Variants in LAMA2 observed in about 807,000 individuals in gnomAD.
The protein encoded by LAMA2 is laminin subunit alpha-2.
In LAMA2, 269 loss-of-function variants were observed where a neutral mutation model predicts 364.8. The ratio of observed to expected loss-of-function variants is 0.74; its 90% CI spans 0.67 to 0.82. LAMA2 has a LOEUF of 0.82. Ranked by LOEUF, LAMA2 falls within the 40% of genes least tolerant of loss-of-function variation. The probability of loss-of-function intolerance (pLI) is 0.00; values close to 1 mark genes in which losing one functional copy is unlikely to be tolerated. For missense variants in LAMA2, 3,807 were observed against 3,873.2 expected, an observed-to-expected ratio of 0.98 and a Z score of 0.45; for synonymous variants, 1,379 against 1,370.6, an observed-to-expected ratio of 1.01 and a Z score of -0.14.
chr6:129,492,966 C>T (rs1224555774), intron 58 of LAMA2, among the ~76,000 whole-genome samples: 4 of 152,238 alleles, frequency 2.6e-5, no homozygotes, highest in African/African-American at 9.6e-5. Context: ...CCAGCCTGGG[C>T]AACCACGGTG....
intron 51 of LAMA2, among the ~76,000 whole-genome samples, chr6:129,468,196 A>G (rs1355236557): frequency 1.3e-5 from 2 of 151,712 alleles, no homozygotes; most frequent in Non-Finnish European, 2.9e-5. Flanking sequence ...TCTCTATTGT[A>G]TCTCTATGGT....
chr6:128,920,559 A>C (rs184813434), intron 1 of LAMA2, among the ~76,000 whole-genome samples: 1 of 151,962 alleles, frequency 6.6e-6, no homozygotes, highest in Non-Finnish European at 1.5e-5. Flanking sequence ...TCTTCCCCTA[A>C]TCAAACCCTT....
chr6:129,110,109 C>CAAAA (rs3061201), intron 4 of LAMA2, among the ~76,000 whole-genome samples: 2 of 142,772 alleles, frequency 1.4e-5, no homozygotes, highest in Non-Finnish European at 1.6e-5. Flanking sequence ...CACCTTATTG[C>CAAAA]AAAAAAAAAA....
chr6:128,951,005 T>C (rs1780780837), intron 1 of LAMA2, among the ~76,000 whole-genome samples: 1 of 152,124 alleles, frequency 6.6e-6, no homozygotes, highest in Non-Finnish European at 1.5e-5. Flanking sequence ...CTTTTTCACA[T>C]TTTTGGGTAT....
At chr6:128,928,331 A>T (rs1329435120) in intron 1 of LAMA2, among the ~76,000 whole-genome samples, 8 of 152,236 alleles carry the variant, frequency 5.3e-5, no homozygotes. Flanking sequence ...CTGGCAGAGT[A>T]AGGGTATGCT....
chr6:129,238,694 T>C (rs1263985574), intron 12 of LAMA2, among the ~76,000 whole-genome samples: 1 of 152,112 alleles, frequency 6.6e-6, no homozygotes, highest in Non-Finnish European at 1.5e-5. Context: ...AAAGTAACAG[T>C]GTGAACTTGA....
Position 129,192,828 on chromosome 6 carries a change from C to T in LAMA2, c.1757C>T (p.Ala586Val), listed in dbSNP as rs373005444. ...CTGCCGCACAGCTACTACTGGAGCG[C>T]GCCGGCTCCCTATCTGGGAAACAAA... ...QALPHSYYWS[A>V]PAPYLGNKLP... is the part of the protein sequence containing the mutation. Residue 586 changes from alanine (A) to valine (V), a missense_variant, in exon 12 of 65, where the codon GCG becomes GTG. By Grantham distance (64) the Ala-to-Val change is moderately conservative (BLOSUM62 0). This residue lies in a region of LAMA2 where 3,333 missense variants were observed against 3,345.7 expected (regional missense o/e 1.00). Transcript: ENST00000421865. 53 of 1,613,904 alleles carry T rather than the reference C, an allele frequency of 3.3e-5. No individual in the cohort carries two copies. In the Middle Eastern group the frequency reaches 4.9e-4, roughly 15 times the overall value.
At chr6:129,460,142 A>C (rs1261001939) in intron 48 of LAMA2, 58 bp from the exon 49 acceptor site, 1 of 1,560,640 alleles carries the variant, frequency 6.4e-7, no homozygotes, top group African/African-American at 1.4e-5. Context: ...CTCATGGATA[A>C]ACCAAGATTA....
rs1779286693 is a variant in LAMA2, at chr6:128,929,185, T to TA, written c.112+45829dup. ...GGTAGATAAAATGAATGGGGATAGT[T>TA]ACAGAGGCAAGAGCTCCCACCCAGC... On this transcript the variant is annotated intron_variant, in intron 1 of 64. Transcript: ENST00000421865. 5 of 1,486,574 alleles carry TA rather than the reference T, an allele frequency of 3.4e-6. No individual in the cohort carries two copies. In the Admixed American group the frequency reaches 5.0e-5, roughly 15 times the overall value. 92.1% of individuals were successfully genotyped at this position (1,486,574 alleles called of 1,614,324 possible).
At chr6:129,328,234 G>A (rs780329052) in intron 28 of LAMA2, 44 bp from the exon 29 acceptor site, 1 of 1,543,970 alleles carries the variant, frequency 6.5e-7, no homozygotes, top group South Asian at 1.1e-5. Flanking sequence ...TGCTAATGCA[G>A]TATTTCTAAC....
intron 37 of LAMA2, among the ~76,000 whole-genome samples, chr6:129,397,182 A>G (rs549302707): frequency 6.6e-6 from 1 of 152,250 alleles, no homozygotes; most frequent in South Asian, 2.1e-4. Flanking sequence ...TAGAAATATA[A>G]TCAACCTTCA....
chr6:129,191,271 C>A (rs887672915), intron 11 of LAMA2, among the ~76,000 whole-genome samples: 2 of 152,220 alleles, frequency 1.3e-5, no homozygotes, highest in Non-Finnish European at 2.9e-5. Context: ...TTCCTTTCAA[C>A]TTTAATCAGT....
intron 1 of LAMA2, among the ~76,000 whole-genome samples, chr6:128,906,663 G>T (rs1010057812): frequency 2.6e-5 from 4 of 152,050 alleles, no homozygotes; most frequent in African/African-American, 4.8e-5. Flanking sequence ...GTCCATTTTG[G>T]CTTTTGTTGC....
intron 3 of LAMA2, among the ~76,000 whole-genome samples, chr6:129,087,209 C>A (rs1286817607): frequency 6.6e-6 from 1 of 152,100 alleles, no homozygotes; most frequent in African/African-American, 2.4e-5. Context: ...CCATAACTAG[C>A]CTATCTCATT....
At chr6:129,284,296 A>C (rs768370204) in intron 18 of LAMA2, among the ~76,000 whole-genome samples, 3 of 151,840 alleles carry the variant, frequency 2.0e-5, no homozygotes, top group Non-Finnish European at 4.4e-5. Flanking sequence ...TCCGAGACTA[A>C]CTAATCCCTG....
At chr6:128,967,731 A>G (rs890897960) in intron 1 of LAMA2, among the ~76,000 whole-genome samples, 2 of 152,182 alleles carry the variant, frequency 1.3e-5, no homozygotes, top group Non-Finnish European at 2.9e-5. Context: ...TTCTCACCCT[A>G]GGGAAACACG....
intron 1 of LAMA2, among the ~76,000 whole-genome samples, chr6:128,980,729 G>C (rs574683611): frequency 7.2e-5 from 11 of 152,238 alleles, no homozygotes; most frequent in Admixed American, 2.0e-4. Flanking sequence ...CCTCCACAAA[G>C]ACTTAGTGAA....
At chr6:129,415,024 T>C (rs1780711333) in intron 40 of LAMA2, among the ~76,000 whole-genome samples, 1 of 152,230 alleles carries the variant, frequency 6.6e-6, no homozygotes, top group African/African-American at 2.4e-5. Context: ...GGTACATTAC[T>C]GTGCTTAGAT....
chr6:129,439,862 G>A (rs563134970), intron 42 of LAMA2, among the ~76,000 whole-genome samples: 1 of 115,156 alleles, frequency 8.7e-6, no homozygotes, highest in South Asian at 2.7e-4. Flanking sequence ...ATCTCAATTG[G>A]TTATATAGAT....
Sources: gnomAD v4.1 joint callset for allele counts (sites outside exome capture counted in the v4.1 genomes callset) on GRCh38, gnomAD v4.1.1 for gene constraint, gnomAD v4.1.1 regional missense constraint, MANE v1.5 for transcripts, NCBI Gene and HGNC (gene_info 2026-07-23, HGNC 2026-07-21) for gene names.